Variants in GRM3 observed in about 807,000 individuals in gnomAD.
GRM3 encodes the protein metabotropic glutamate receptor 3.
GRM3 carries 26 observed loss-of-function variants against 70.5 expected under a neutral mutation model. The observed-to-expected ratio is 0.37, with a 90% CI of 0.27 to 0.51. GRM3 has a LOEUF of 0.51. Among genes scored for constraint, GRM3 ranks in the 20% least tolerant of loss-of-function variants. GRM3 has a pLI of 0.93. For synonymous variants in GRM3, 443 were observed against 434.9 expected, an observed-to-expected ratio of 1.02 and a Z score of -0.23; for missense variants, 859 against 1,123.8, an observed-to-expected ratio of 0.76 and a Z score of 3.37.
At chr7:86,823,297 C>T (rs1451628029) in intron 3 of GRM3, among the ~76,000 whole-genome samples, 1 of 152,154 alleles carries the variant, frequency 6.6e-6, no homozygotes, top group Non-Finnish European at 1.5e-5. Flanking sequence ...GACAAGCCAG[C>T]ATCCACCATC....
In GRM3 at chr7:86,685,906, CAAAAAAAAAAA is replaced by C. The variant is rs71117516; in HGVS notation, c.-141+41044_-141+41054del. Reference sequence around the variant, plus strand: ...GGGCAACAGAGAAAGACTCTGTCTCCAAAAAAAAAAAAAAAAAAAATACTAATAACTACACC... The same window carrying C: ...GGGCAACAGAGAAAGACTCTGTCTCCAAAAAAAAATACTAATAACTACACC... On this transcript the variant is annotated intron_variant, in intron 1 of 5. Coordinates refer to ENST00000361669, the MANE Select transcript of GRM3 (RefSeq NM_000840.3). Among the ~76,000 whole-genome samples, 399 of 74,386 alleles carry C rather than the reference CAAAAAAAAAAA, an allele frequency of 5.4e-3. 4 individuals carry two copies. Among genetic ancestry groups the C allele is most frequent in the African/African-American group, 0.018 (386 of 21,928 alleles). The allele number at this position is 74,386 out of a possible 152,430, so 48.8% of individuals were successfully genotyped here. A position where few individuals can be genotyped will look rare whatever the true frequency, so the allele number is the denominator to read the frequency against.
At chr7:86,799,007 T>C (rs191576032) in intron 3 of GRM3, among the ~76,000 whole-genome samples, 1 of 152,212 alleles carries the variant, frequency 6.6e-6, no homozygotes, top group Admixed American at 6.5e-5. Flanking sequence ...CTTGGGTATG[T>C]CTTTATTAGC....
At position 86,833,021 on chromosome 7, in the gene GRM3, G is replaced by T. The variant is rs936472239; in HGVS notation, c.1325-5818G>T. 2.5e-5 allele frequency: 25 copies of T among 984,076 alleles called. No individual in the cohort carries two copies. The African/African-American group carries it at 3.8e-4, about 15-fold the overall frequency. 61.0% of individuals were successfully genotyped at this position (984,076 alleles called of 1,614,324 possible). On this transcript the variant is annotated intron_variant, in intron 3 of 5. Coordinates refer to ENST00000361669, the MANE Select transcript of GRM3 (RefSeq NM_000840.3). Reference sequence around the variant, plus strand: ...GGTTGTTCTTTTTCTTCCCCTTCTAGTTTGGTTTCTTTCATGCTGTTGCAA... The same window carrying T: ...GGTTGTTCTTTTTCTTCCCCTTCTATTTTGGTTTCTTTCATGCTGTTGCAA...
chr7:86,846,125 A>T (rs1275135430), intron 4 of GRM3, among the ~76,000 whole-genome samples: 1 of 152,146 alleles, frequency 6.6e-6, no homozygotes, highest in East Asian at 1.9e-4. Flanking sequence ...TACCTTTCTC[A>T]TTCTTTGTCA....
intron 4 of GRM3, among the ~76,000 whole-genome samples, chr7:86,841,527 C>G (rs1297157547): frequency 6.6e-6 from 1 of 151,876 alleles, no homozygotes; most frequent in Non-Finnish European, 1.5e-5. Flanking sequence ...TACATCTAGT[C>G]CCATATATCT....
intron 1 of GRM3, among the ~76,000 whole-genome samples, chr7:86,681,665 T>G (rs1794444607): frequency 2.0e-5 from 3 of 152,132 alleles, no homozygotes; most frequent in Admixed American, 2.0e-4. Flanking sequence ...ATAACGTCTC[T>G]GGTATATATT....
At chr7:86,785,685 ATTTTTTTTTTTTTTTTT>A (rs749456155) in intron 2 of GRM3, among the ~76,000 whole-genome samples, 1 of 65,192 alleles carries the variant, frequency 1.5e-5, no homozygotes, top group Non-Finnish European at 2.9e-5. Context: ...AATAGAATTG[ATTTTTTTTTTTTTTTTT>A]TTTTTTTTTT....
intron 1 of GRM3, among the ~76,000 whole-genome samples, chr7:86,669,366 A>G (rs1794113173): frequency 6.6e-6 from 1 of 152,234 alleles, no homozygotes; most frequent in Admixed American, 6.5e-5. Flanking sequence ...AAACTCTGAA[A>G]CAACAATAGT....
chr7:86,835,560 T>C (rs1388167490), intron 3 of GRM3, among the ~76,000 whole-genome samples: 1 of 152,106 alleles, frequency 6.6e-6, no homozygotes, highest in Non-Finnish European at 1.5e-5. Flanking sequence ...CTTTCCAACA[T>C]ATATATATAC....
chr7:86,676,602 A>G (rs1794313965), intron 1 of GRM3, among the ~76,000 whole-genome samples: 1 of 152,048 alleles, frequency 6.6e-6, no homozygotes, highest in South Asian at 2.1e-4. Flanking sequence ...ATGTTCAAAC[A>G]TTAAAATGGG....
At chr7:86,858,193 T>C (rs773935052) in intron 5 of GRM3, among the ~76,000 whole-genome samples, 5 of 151,964 alleles carry the variant, frequency 3.3e-5, no homozygotes, top group Non-Finnish European at 7.4e-5. Context: ...CCTGACCTCA[T>C]GATCCACCCA....
intron 3 of GRM3, among the ~76,000 whole-genome samples, chr7:86,821,693 G>A (rs569488702): frequency 1.3e-5 from 2 of 152,188 alleles, no homozygotes; most frequent in East Asian, 1.9e-4. Flanking sequence ...ACGATTCCTC[G>A]AAGGTGAATC....
chr7:86,731,425 G>T (rs1414824359), intron 1 of GRM3, among the ~76,000 whole-genome samples: 3 of 151,996 alleles, frequency 2.0e-5, no homozygotes, highest in African/African-American at 7.3e-5. Context: ...CCATGTCCCT[G>T]CAAAACTACA....
chr7:86,787,608 GC>G (rs1278003848), intron 3 of GRM3, among the ~76,000 whole-genome samples: 6 of 152,118 alleles, frequency 3.9e-5, no homozygotes, highest in Admixed American at 3.3e-4. Flanking sequence ...ATAATTAGGG[GC>G]AAAACAGAAA....
intron 4 of GRM3, among the ~76,000 whole-genome samples, chr7:86,844,330 T>C (rs905407396): frequency 1.3e-5 from 2 of 152,172 alleles, no homozygotes; most frequent in African/African-American, 2.4e-5. Flanking sequence ...GCTATGCAGA[T>C]GAAACAGCAA....
At chr7:86,665,422 A>G (rs1432408609) in intron 1 of GRM3, among the ~76,000 whole-genome samples, 1 of 152,090 alleles carries the variant, frequency 6.6e-6, no homozygotes, top group African/African-American at 2.4e-5. Flanking sequence ...CTTATTAAAT[A>G]TAAACTGATT....
At chr7:86,712,196 C>T (rs955029066) in intron 1 of GRM3, among the ~76,000 whole-genome samples, 2 of 151,954 alleles carry the variant, frequency 1.3e-5, no homozygotes, top group Non-Finnish European at 2.9e-5. Flanking sequence ...ATAACTGGTC[C>T]TAATTACTTT....
At chr7:86,770,152 A>G (rs1037973151) in intron 2 of GRM3, among the ~76,000 whole-genome samples, 2 of 152,172 alleles carry the variant, frequency 1.3e-5, no homozygotes, top group Non-Finnish European at 1.5e-5. Context: ...CAGAGAACAC[A>G]TCATTTCTTC....
chr7:86,802,523 C>T (rs1228046745), intron 3 of GRM3, among the ~76,000 whole-genome samples: 1 of 151,802 alleles, frequency 6.6e-6, no homozygotes, highest in African/African-American at 2.4e-5. Context: ...TCACTCCTTC[C>T]TCTGAGAGCA....
Sources: gnomAD v4.1 joint callset for allele counts (sites outside exome capture counted in the v4.1 genomes callset) on GRCh38, gnomAD v4.1.1 for gene constraint, MANE v1.5 for transcripts, NCBI Gene and HGNC (gene_info 2026-07-23, HGNC 2026-07-21) for gene names.